The following MSR1 variants were observed in gnomAD, a reference collection of about 807,000 sequenced individuals.
The protein encoded by MSR1 is macrophage scavenger receptor types I and II.
A neutral mutation model predicts 47.2 loss-of-function variants in MSR1; 53 were observed. The ratio of observed to expected loss-of-function variants is 1.12; its 90% CI spans 0.90 to 1.41. MSR1 has a LOEUF of 1.41. MSR1 is among the 40% of genes most tolerant of loss of function. MSR1 has a pLI of 0.00. For synonymous variants in MSR1, 239 were observed against 185.6 expected (o/e 1.29, Z -2.34); for missense variants, 786 against 546.9 (o/e 1.44, Z -4.36).
intron 3 of MSR1, among the ~76,000 whole-genome samples, chr8:16,174,918 C>A (rs188053079): frequency 2.6e-5 from 4 of 151,988 alleles, no homozygotes; most frequent in African/African-American, 7.2e-5. Context: ...GAAAGAGCGT[C>A]CTTTTCATTT....
intron 8 of MSR1, among the ~76,000 whole-genome samples, chr8:16,141,407 G>C (rs574447885): frequency 6.6e-6 from 1 of 152,308 alleles, no homozygotes; most frequent in Admixed American, 6.5e-5. Flanking sequence ...GACTAGAGGA[G>C]TGAATGGCTA....
intron 8 of MSR1, among the ~76,000 whole-genome samples, chr8:16,134,047 T>TAAGACGTGG (rs1800326707): frequency 6.6e-6 from 1 of 152,186 alleles, no homozygotes; most frequent in African/African-American, 2.4e-5. Flanking sequence ...TCATCTTCAA[T>TAAGACGTGG]ATTTTCTTAT....
intron 7 of MSR1, among the ~76,000 whole-genome samples, chr8:16,145,964 A>C (rs1458578642): frequency 1.3e-5 from 2 of 152,290 alleles, no homozygotes; most frequent in Non-Finnish European, 2.9e-5. Flanking sequence ...TCTAAAAGCC[A>C]TTCAAAAGTA....
intron 8 of MSR1, among the ~76,000 whole-genome samples, chr8:16,133,532 A>T (rs1392644357): frequency 6.6e-6 from 1 of 152,122 alleles, no homozygotes; most frequent in Non-Finnish European, 1.5e-5. Flanking sequence ...TAACTTTCTC[A>T]AAATACTCTC....
chr8:16,174,125 G>A (rs980603824), intron 3 of MSR1, among the ~76,000 whole-genome samples: 1 of 152,168 alleles, frequency 6.6e-6, no homozygotes, highest in East Asian at 1.9e-4. Context: ...TCTCTGTAGA[G>A]AGGTTAATTG....
intron 7 of MSR1, among the ~76,000 whole-genome samples, chr8:16,147,839 C>T (rs762989808): frequency 5.9e-5 from 9 of 152,144 alleles, no homozygotes; most frequent in East Asian, 3.9e-4. Flanking sequence ...TTTCTTTGTG[C>T]GTGATTACTC....
At chr8:16,156,930 T>C (rs1563156909) in intron 5 of MSR1, among the ~76,000 whole-genome samples, 1 of 151,934 alleles carries the variant, frequency 6.6e-6, no homozygotes, top group Non-Finnish European at 1.5e-5. Context: ...GTAACTTCCA[T>C]AACCATGAAC....
intron 8 of MSR1, chr8:16,139,472 G>C (rs1158227457): frequency 9.2e-6 from 9 of 982,560 alleles, no homozygotes; most frequent in African/African-American, 3.5e-5. Context: ...ATACCATCTA[G>C]AGTTCTACTA....
chr8:16,183,329 CACTCTGA>C (rs1455531794), intron 1 of MSR1, among the ~76,000 whole-genome samples: 1 of 151,850 alleles, frequency 6.6e-6, no homozygotes, highest in Non-Finnish European at 1.5e-5. Flanking sequence ...AACATCTTTA[CACTCTGA>C]ACTCTGAACG....
chr8:16,156,097 C>A (rs986219301), intron 5 of MSR1, among the ~76,000 whole-genome samples: 1 of 151,892 alleles, frequency 6.6e-6, no homozygotes, highest in African/African-American at 2.4e-5. Flanking sequence ...GACAAATAAT[C>A]TCTTCTTTAT....
At chr8:16,156,982 G>A (rs1438675732) in intron 5 of MSR1, among the ~76,000 whole-genome samples, 2 of 151,942 alleles carry the variant, frequency 1.3e-5, no homozygotes, top group Non-Finnish European at 2.9e-5. Context: ...TGAATCCCAG[G>A]GGAGGGGGGC....
intron 8 of MSR1, chr8:16,139,988 C>T: frequency 1.9e-6 from 1 of 535,458 alleles, no homozygotes; most frequent in South Asian, 8.1e-5. Flanking sequence ...CATTTGTCTA[C>T]ATCTCTTAGG....
At chr8:16,137,521 A>G (rs932926137) in intron 8 of MSR1, among the ~76,000 whole-genome samples, 10 of 152,114 alleles carry the variant, frequency 6.6e-5, no homozygotes, top group African/African-American at 2.2e-4. Flanking sequence ...ATATAAAAAT[A>G]CATAATACTA....
intron 5 of MSR1, 53 bp from the exon 6 acceptor site, chr8:16,155,197 G>T: frequency 7.4e-7 from 1 of 1,357,740 alleles, no homozygotes; most frequent in Non-Finnish European, 1.0e-6. Context: ...GGAAAAATGG[G>T]TTAGTCATCT....
chr8:16,140,256 A>G (rs984036778), intron 8 of MSR1: 10 of 983,992 alleles, frequency 1.0e-5, no homozygotes, highest in Non-Finnish European at 1.2e-5. Context: ...AGCCTGTGCA[A>G]TAGAACAAGG....
At chr8:16,145,697 T>C (rs1226067271) in intron 7 of MSR1, among the ~76,000 whole-genome samples, 2 of 152,148 alleles carry the variant, frequency 1.3e-5, no homozygotes, top group African/African-American at 4.8e-5. Flanking sequence ...TAAAATAAAA[T>C]GCCTTATCTC....
chr8:16,158,693 A>C (rs1242711575), intron 5 of MSR1, among the ~76,000 whole-genome samples: 1 of 151,842 alleles, frequency 6.6e-6, no homozygotes, highest in East Asian at 1.9e-4. Context: ...GACACTTTAA[A>C]CATTGTTTAA....
intron 8 of MSR1, chr8:16,140,973 A>T (rs764269233): frequency 2.5e-6 from 4 of 1,613,870 alleles, no homozygotes; most frequent in Non-Finnish European, 3.4e-6. Flanking sequence ...AGATGGTAGC[A>T]GAGGATGTCC....
At chr8:16,183,925 G>C (rs1801918529) in intron 1 of MSR1, among the ~76,000 whole-genome samples, 1 of 145,738 alleles carries the variant, frequency 6.9e-6, no homozygotes, top group African/African-American at 2.5e-5. Context: ...CACAGGCATA[G>C]TACAAAAGTG....
Sources: allele counts gnomAD v4.1 joint callset (sites outside exome capture counted in the v4.1 genomes callset), GRCh38; gene constraint gnomAD v4.1.1; transcripts MANE v1.5; gene names NCBI Gene and HGNC (gene_info 2026-07-23, HGNC 2026-07-21).